PALMD: variants seen among roughly 807,000 people sequenced by gnomAD.
The protein encoded by PALMD is paralemmin-like protein.
Under a neutral mutation model 56.2 loss-of-function variants are expected in PALMD, and 42 were observed. The observed-to-expected ratio is 0.75, with a 90% CI of 0.58 to 0.97. PALMD has a LOEUF of 0.97. Among genes scored for constraint, PALMD ranks in the 50% least tolerant of loss-of-function variants. The pLI is 0.00. For synonymous variants in PALMD, 242 were observed against 222.9 expected, an observed-to-expected ratio of 1.09 and a Z score of -0.76; for missense variants, 660 against 643.8, an observed-to-expected ratio of 1.03 and a Z score of -0.27.
rs1652445958 is a variant in PALMD, at chr1:99,646,440, T to C, written c.45+78T>C. ...GACCGTGGCCGGCTGCCCCTGTCGC[T>C]GAGCCCTCGCAAGTGGAAAAACAGA... On this transcript the variant is annotated intron_variant, in intron 1 of 7. Transcript: ENST00000263174. 3 of 1,087,872 alleles carry C rather than the reference T, an allele frequency of 2.8e-6. No homozygotes were observed. The Admixed American group carries it at 5.1e-5, about 18-fold the overall frequency. 67.4% of individuals were successfully genotyped at this position (1,087,872 alleles called of 1,614,324 possible).
chr1:99,665,837 T>TTAGCA (rs1187231896), intron 2 of PALMD, among the ~76,000 whole-genome samples: 1 of 152,198 alleles, frequency 6.6e-6, no homozygotes, highest in African/African-American at 2.4e-5. Flanking sequence ...TCAGAGTTTC[T>TTAGCA]TAGCATCTTT....
chr1:99,678,301 C>T (rs1483042151), intron 3 of PALMD, among the ~76,000 whole-genome samples: 6 of 151,898 alleles, frequency 4.0e-5, no homozygotes, highest in African/African-American at 1.5e-4. Flanking sequence ...GACAAGGTTT[C>T]ACCATGTTGG....
intron 3 of PALMD, among the ~76,000 whole-genome samples, chr1:99,677,719 AG>A (rs1653245873): frequency 6.6e-6 from 1 of 152,018 alleles, no homozygotes; most frequent in East Asian, 1.9e-4. Context: ...GTCCATAGCA[AG>A]GTAGCCAGGA....
intron 2 of PALMD, among the ~76,000 whole-genome samples, chr1:99,664,839 A>G (rs1006374650): frequency 2.0e-5 from 3 of 152,176 alleles, no homozygotes; most frequent in African/African-American, 7.2e-5. Flanking sequence ...AGTGACACAC[A>G]TTAAACAACA....
At chr1:99,668,028 A>G (rs1336929839) in intron 3 of PALMD, 1 of 361,072 alleles carries the variant, frequency 2.8e-6, no homozygotes, top group African/African-American at 2.1e-5. Flanking sequence ...ATGGGCACCC[A>G]CAACCAATGC....
chr1:99,646,355 C>G lies in PALMD; in HGVS notation c.38C>G (p.Ala13Gly). 6.2e-7 allele frequency: 1 copy of G among 1,611,526 alleles called. No individual in the cohort carries two copies. The highest frequency in any genetic ancestry group is 8.5e-7 in the Non-Finnish European group (1 of 1,177,650). Residue 13 changes from alanine to glycine, a missense_variant, in exon 1 of 8, where the codon GCC (alanine) becomes GGC (glycine). Transcript: ENST00000263174. ...EAELVKGRLQ[A>G]ITDKRKIQEE... ...GAGCTGGTGAAGGGAAGACTCCAGG[C>G]CATCACAGTAAGTCTGCATACAGTT...
intron 1 of PALMD, among the ~76,000 whole-genome samples, chr1:99,653,056 A>C (rs923699597): frequency 6.6e-6 from 1 of 152,104 alleles, no homozygotes; most frequent in Non-Finnish European, 1.5e-5. Context: ...CACTTCCTTT[A>C]CGTAGCCTCT....
rs1445507103 is a variant in PALMD, at chr1:99,689,738, A to T, written c.1478A>T (p.Asn493Ile). Residue 493 changes from asparagine to isoleucine, a missense_variant, in exon 7 of 8, where the codon AAC (asparagine) becomes ATC (isoleucine). By Grantham distance (149) the Asn-to-Ile change is moderately radical. Coordinates refer to ENST00000263174, the MANE Select transcript of PALMD (RefSeq NM_017734.5). ...RKRSEASPHE[N>I]TNHKSPHKNS... The stretch of plus-strand genomic sequence containing the variant: ...AGATCAGAAGCTAGTCCTCATGAAA[A>T]CACAAATCATAAATCCCCCCACAAA... The T allele has an allele frequency of 6.2e-7, 1 of 1,613,904 alleles. No homozygotes were observed. Among genetic ancestry groups the T allele is most frequent in the Admixed American group, 1.7e-5 (1 of 59,956 alleles).
intron 4 of PALMD, 60 bp from the exon 5 acceptor site, chr1:99,686,870 C>A (rs1311492432): frequency 7.2e-6 from 10 of 1,379,884 alleles, no homozygotes; most frequent in Non-Finnish European, 9.2e-6. Flanking sequence ...CAAAGCATAT[C>A]CACATTTAGA....
At chr1:99,673,153 A>C (rs1653123221) in intron 3 of PALMD, among the ~76,000 whole-genome samples, 1 of 152,224 alleles carries the variant, frequency 6.6e-6, no homozygotes, top group Admixed American at 6.5e-5. Flanking sequence ...TACTCAATTA[A>C]CTAAAAAGAG....
At chr1:99,677,732 G>C (rs948479436) in intron 3 of PALMD, among the ~76,000 whole-genome samples, 2 of 152,166 alleles carry the variant, frequency 1.3e-5, no homozygotes, top group African/African-American at 4.8e-5. Context: ...TAGCCAGGAA[G>C]TCGTATAAAA....
rs754358146 is a variant in PALMD, at chr1:99,667,631, C to T, written c.127-11C>T. 1.6e-5 allele frequency: 26 copies of T among 1,609,866 alleles called. No individual in the cohort carries two copies. Among genetic ancestry groups the T allele is most frequent in the Non-Finnish European group, 2.2e-5 (26 of 1,176,582 alleles). ...AATATAAGAACATATCTTTATGTTT[C>T]CTGACATCAGAAAAAGGCCTTGAGG... is the stretch of plus-strand genomic sequence containing the variant. On this transcript the variant is annotated splice_polypyrimidine_tract_variant and intron_variant, in intron 2 of 7. Transcript: ENST00000263174.
chr1:99,649,855 A>G (rs1277255193), intron 1 of PALMD, among the ~76,000 whole-genome samples: 1 of 152,200 alleles, frequency 6.6e-6, no homozygotes, highest in Non-Finnish European at 1.5e-5. Flanking sequence ...CTCAACTGAG[A>G]AAAAGAGAGT....
chr1:99,659,124 T>G (rs1318382810), intron 1 of PALMD, among the ~76,000 whole-genome samples: 2 of 152,238 alleles, frequency 1.3e-5, no homozygotes, highest in African/African-American at 4.8e-5. Flanking sequence ...TATTAGAATT[T>G]AGCACATTGT....
rs761423161 is a variant in PALMD at position 99,662,333 on chromosome 1, A to G, written c.60A>G (p.Ile20Met). 3 of 1,550,842 alleles carry G rather than the reference A, an allele frequency of 1.9e-6. No individual in the cohort carries two copies. The highest frequency in any genetic ancestry group is 2.3e-5 in the South Asian group (2 of 86,140). ...TTTTATTTCAGGATAAAAGAAAAAT[A>G]CAGGAAGAAATCTCACAGAAGCGTC... is the stretch of plus-strand genomic sequence containing the variant. ...RLQAITDKRK[I>M]QEEISQKRLK... The change falls in exon 2 of 8, where the codon ATA (isoleucine) becomes ATG (methionine). Residue 20 changes from isoleucine to methionine, a missense_variant. Physicochemically the swap from Ile to Met is conservative, Grantham distance 10. Coordinates refer to ENST00000263174, the MANE Select transcript of PALMD (RefSeq NM_017734.5).
intron 2 of PALMD, among the ~76,000 whole-genome samples, chr1:99,662,791 C>G (rs1557668811): frequency 6.6e-6 from 1 of 152,136 alleles, no homozygotes; most frequent in Non-Finnish European, 1.5e-5. Flanking sequence ...GGGTGCAGAA[C>G]AGTGTCTGGC....
intron 1 of PALMD, among the ~76,000 whole-genome samples, chr1:99,653,359 T>C (rs1172398288): frequency 6.6e-6 from 1 of 152,174 alleles, no homozygotes; most frequent in African/African-American, 2.4e-5. Context: ...TAGCCTGGTT[T>C]GGTTTTGTTT....
intron 3 of PALMD, among the ~76,000 whole-genome samples, chr1:99,681,853 C>T (rs1460660328): frequency 1.3e-5 from 2 of 152,162 alleles, no homozygotes; most frequent in South Asian, 2.1e-4. Context: ...CCTCTGGTTA[C>T]GAACCACTGT....
Position 99,694,308 on chromosome 1 carries a change from A to G in PALMD, c.*246A>G. 2.7e-6 allele frequency: 1 copy of G among 365,096 alleles called. No homozygotes were observed. The highest frequency in any genetic ancestry group is 5.0e-6 in the Non-Finnish European group (1 of 199,042). 22.6% of individuals were successfully genotyped at this position (365,096 alleles called of 1,614,324 possible). A position where few individuals can be genotyped will look rare whatever the true frequency, so the allele number is the denominator to read the frequency against. On this transcript the variant is annotated 3_prime_UTR_variant, in exon 8 of 8. Coordinates refer to ENST00000263174, the MANE Select transcript of PALMD (RefSeq NM_017734.5). ...CAGTGGGGGAAAACCAGCATTTTTT[A>G]TTCTATTGATACCAAAGCATTTCTA...
Sources: gnomAD v4.1 joint callset for allele counts (sites outside exome capture counted in the v4.1 genomes callset) on GRCh38, gnomAD v4.1.1 for gene constraint, MANE v1.5 for transcripts, NCBI Gene and HGNC (gene_info 2026-07-23, HGNC 2026-07-21) for gene names.